Variants in PLEKHG1 observed in about 807,000 individuals in gnomAD.
PLEKHG1 encodes pleckstrin homology and RhoGEF domain containing G1.
In PLEKHG1, 44 loss-of-function variants were observed where a neutral mutation model predicts 100.8. That is an observed-to-expected ratio of 0.44 (90% CI 0.34 to 0.56). The LOEUF is 0.56. Among genes scored for constraint, PLEKHG1 ranks in the 20% least tolerant of loss-of-function variants. The pLI is 0.01. For synonymous variants in PLEKHG1, 640 were observed against 662.5 expected, an observed-to-expected ratio of 0.97 and a Z score of 0.52; for missense variants, 1,545 against 1,720.9, an observed-to-expected ratio of 0.90 and a Z score of 1.81.
At chr6:150,728,071 A>AT (rs1373287070) in intron 1 of PLEKHG1, among the ~76,000 whole-genome samples, 2 of 152,214 alleles carry the variant, frequency 1.3e-5, no homozygotes, top group Non-Finnish European at 2.9e-5. Context: ...ATTTTTGCTA[A>AT]TTTTTAACAA....
At chr6:150,611,371 A>G (rs1266635414) in intron 1 of PLEKHG1, among the ~76,000 whole-genome samples, 1 of 152,246 alleles carries the variant, frequency 6.6e-6, no homozygotes, top group East Asian at 1.9e-4. Flanking sequence ...CAAAAAAATT[A>G]GCTAAACTGC....
chr6:150,664,116 T>C (rs1779311451), intron 3 of PLEKHG1: 1 of 152,216 alleles, frequency 6.6e-6, no homozygotes, highest in African/African-American at 2.4e-5. Flanking sequence ...CCACCATCCG[T>C]GGGGTTGGCT....
intron 1 of PLEKHG1, among the ~76,000 whole-genome samples, chr6:150,627,648 ATGAC>A (rs1484344857): frequency 4.6e-5 from 7 of 152,242 alleles, no homozygotes; most frequent in African/African-American, 1.4e-4. Context: ...AGTTAAGAGA[ATGAC>A]TGCATACCTG....
At chr6:150,687,135 C>A (rs1780168858) in intron 3 of PLEKHG1, 1 of 152,564 alleles carries the variant, frequency 6.6e-6, no homozygotes, top group Non-Finnish European at 1.5e-5. Flanking sequence ...TAAATTGTGA[C>A]TAATTTTACT....
chr6:150,693,294 TTAAC>T (rs1780416206), intron 3 of PLEKHG1, among the ~76,000 whole-genome samples: 1 of 151,798 alleles, frequency 6.6e-6, no homozygotes. Flanking sequence ...TCTCAAAAAA[TTAAC>T]AAACAAACAA....
At chr6:150,736,137 C>T (rs1372360122) in intron 2 of PLEKHG1, among the ~76,000 whole-genome samples, 1 of 152,164 alleles carries the variant, frequency 6.6e-6, no homozygotes, top group Non-Finnish European at 1.5e-5. Flanking sequence ...AGCTCAAAAG[C>T]AGCCATGTAC....
Position 150,820,221 on chromosome 6 carries a change from C to T in PLEKHG1, c.1408+447C>T, listed in dbSNP as rs187414078. Among the ~76,000 whole-genome samples, 7 of 151,516 alleles carry T rather than the reference C, an allele frequency of 4.6e-5. No homozygotes were observed. In the East Asian group the frequency reaches 1.4e-3, roughly 29 times the overall value. On this transcript the variant is annotated intron_variant, in intron 12 of 15. Transcript: ENST00000358517. Reference sequence around the variant, plus strand: ...GAGACTCTGTCTAAAAAAAAAAAAACCTCTTTTCTACTTAATGTTTCCCAG... The same window carrying T: ...GAGACTCTGTCTAAAAAAAAAAAAATCTCTTTTCTACTTAATGTTTCCCAG...
rs1234182046 is a variant in PLEKHG1, at chr6:150,725,757, TTTTTTTTTTC to T, written c.-99+4570_-99+4579del. 8.1e-5 allele frequency among the ~76,000 whole-genome samples: 10 copies of T among 122,754 alleles called. No homozygotes were observed. In the East Asian group the frequency reaches 1.5e-3, roughly 19 times the overall value. The allele number at this position is 122,754 out of a possible 152,430, so 80.5% of individuals were successfully genotyped here. A position where few individuals can be genotyped will look rare whatever the true frequency, so the allele number is the denominator to read the frequency against. On this transcript the variant is annotated intron_variant, in intron 1 of 15. Coordinates refer to ENST00000358517, the Ensembl canonical transcript of PLEKHG1. ...TGTCATGAAGCTTTTCTCCCCTATG[TTTTTTTTTTC>T]TTTTTTTTTCTTAGAGGCTTTATGG...
At chr6:150,776,924 C>A (rs184241968) in intron 3 of PLEKHG1, among the ~76,000 whole-genome samples, 1 of 149,952 alleles carries the variant, frequency 6.7e-6, no homozygotes, top group Non-Finnish European at 1.5e-5. Flanking sequence ...TGCACATGTG[C>A]GGTTTCACAT....
intron 2 of PLEKHG1, among the ~76,000 whole-genome samples, chr6:150,638,283 G>T (rs1199852280): frequency 6.6e-6 from 1 of 152,168 alleles, no homozygotes; most frequent in Non-Finnish European, 1.5e-5. Context: ...TGGCTCCCTG[G>T]AATAATTTAG....
rs535998017 is a variant in PLEKHG1 at position 150,626,950 on chromosome 6, A to G, written c.-203-11130A>G. Among the ~76,000 whole-genome samples the G allele has an allele frequency of 2.0e-5, 3 of 152,340 alleles. No homozygotes were observed. In the East Asian group the frequency reaches 5.8e-4, roughly 29 times the overall value. On this transcript the variant is annotated intron_variant, in intron 1 of 3. Transcript: ENST00000367326. Reference sequence around the variant, plus strand: ...AACTCAGGAAAGCTTGTGAAAGAATAGTAGCAACTAAACCATTCTTTATAG... The same window carrying G: ...AACTCAGGAAAGCTTGTGAAAGAATGGTAGCAACTAAACCATTCTTTATAG...
intron 3 of PLEKHG1, among the ~76,000 whole-genome samples, chr6:150,707,748 A>G (rs888233483): frequency 4.6e-5 from 7 of 152,178 alleles, no homozygotes; most frequent in African/African-American, 1.7e-4. Flanking sequence ...TGACCAAACA[A>G]CAGGTCCACA....
chr6:150,614,866 C>G (rs963557048), intron 1 of PLEKHG1, among the ~76,000 whole-genome samples: 1 of 152,172 alleles, frequency 6.6e-6, no homozygotes, highest in African/African-American at 2.4e-5. Context: ...TAAAGAAACA[C>G]TTATATATTC....
rs1286919207 is a variant in PLEKHG1 at position 150,674,892 on chromosome 6, A to G, written c.-99+24106A>G. ...GAGATGGGGTTTCGCCATGTTGGCC[A>G]GGCTGGTTTCGAACTCCTGACCTCA... is the stretch of plus-strand genomic sequence containing the variant. On this transcript the variant is annotated intron_variant, in intron 3 of 3. Transcript: ENST00000367326. 2.6e-5 allele frequency among the ~76,000 whole-genome samples: 4 copies of G among 152,230 alleles called. No homozygotes were observed. The East Asian group carries it at 7.7e-4, about 29-fold the overall frequency.
intron 15 of PLEKHG1, 101 bp downstream of exon 16, chr6:150,832,306 C>T (rs1173440366): frequency 1.1e-6 from 1 of 951,476 alleles, no homozygotes; most frequent in South Asian, 1.7e-5. Context: ...AGAACACTGA[C>T]ACTCAAGCTT....
At position 150,795,777 on chromosome 6, in the gene PLEKHG1, T is replaced by C. The variant is rs528230119; in HGVS notation, c.583-79T>C. 608 of 805,346 alleles carry C rather than the reference T, an allele frequency of 7.5e-4. 6 individuals carry two copies. The highest frequency in any genetic ancestry group is 6.5e-3 in the Admixed American group (339 of 52,540). 49.9% of individuals were successfully genotyped at this position (805,346 alleles called of 1,614,324 possible). A position where few individuals can be genotyped will look rare whatever the true frequency, so the allele number is the denominator to read the frequency against. Reference sequence around the variant, plus strand: ...TATATAAATGTCAAGGCCCGAATGCTATTTCTTTTTATTGTTTTCAAATGA... The same window carrying C: ...TATATAAATGTCAAGGCCCGAATGCCATTTCTTTTTATTGTTTTCAAATGA... On this transcript the variant is annotated intron_variant, in intron 4 of 15. Transcript: ENST00000358517.
In PLEKHG1 at chr6:150,708,515, T is replaced by G. The variant is rs79643762; in HGVS notation, c.-98-25069T>G. On this transcript the variant is annotated intron_variant, in intron 3 of 3. Coordinates refer to the PLEKHG1 transcript ENST00000367326. The stretch of plus-strand genomic sequence containing the variant: ...GGCCCCTTGTAAATCAGTCAGTCAT[T>G]CCATAAAAGTAAGTAAATGGGTTAG... 9.9e-5 allele frequency among the ~76,000 whole-genome samples: 15 copies of G among 152,260 alleles called. No individual in the cohort carries two copies. In the East Asian group the frequency reaches 2.9e-3, roughly 29 times the overall value.
chr6:150,655,618 G>A (rs1451652179), intron 3 of PLEKHG1, among the ~76,000 whole-genome samples: 10 of 146,254 alleles, frequency 6.8e-5, no homozygotes, highest in Middle Eastern at 3.5e-3. Flanking sequence ...TGAGGCAGGA[G>A]AATGGTGTGA....
rs1266980527 is a variant in PLEKHG1, at chr6:150,733,575, T to C, written c.-98-9T>C. ...ATCTTGTCCTTTTTATTTTCTTTAA[T>C]GCATATAGATGGGCACCAGTTGCGT... On this transcript the variant is annotated splice_polypyrimidine_tract_variant and intron_variant, in intron 1 of 15. Coordinates refer to ENST00000358517, the Ensembl canonical transcript of PLEKHG1. 6.3e-7 allele frequency: 1 copy of C among 1,594,730 alleles called. No individual in the cohort carries two copies. Among genetic ancestry groups the C allele is most frequent in the African/African-American group, 1.3e-5 (1 of 74,292 alleles).
Sources: allele counts gnomAD v4.1 joint callset (sites outside exome capture counted in the v4.1 genomes callset), GRCh38; gene constraint gnomAD v4.1.1; transcripts MANE v1.5; gene names NCBI Gene and HGNC (gene_info 2026-07-23, HGNC 2026-07-21).